The following C4BPB variants were observed in gnomAD, a reference collection of about 807,000 sequenced individuals.
C4BPB encodes the protein complement component 4 binding protein beta.
A neutral mutation model predicts 26.6 loss-of-function variants in C4BPB; 19 were observed. The observed-to-expected ratio is 0.71, with a 90% CI of 0.50 to 1.05. The LOEUF (loss-of-function observed/expected upper bound fraction) is 1.05. C4BPB is among the 50% of genes least tolerant of loss of function. The pLI is 0.00. For synonymous variants in C4BPB, 118 were observed against 103.5 expected (o/e 1.14, Z -0.85); for missense variants, 282 against 302.9 (o/e 0.93, Z 0.51).
At chr1:207,095,291 T>C (rs1558078123) in intron 4 of C4BPB, 1 of 456,686 alleles carries the variant, frequency 2.2e-6, no homozygotes, top group East Asian at 6.9e-5. Context: ...CTTTCCACAG[T>C]TCCACAGACT....
At position 207,095,012 on chromosome 1, in the gene C4BPB, T is replaced by G. The variant is rs372358262; in HGVS notation, c.410-1510T>G. The G allele has an allele frequency of 1.0e-4, 26 of 257,154 alleles. No homozygotes were observed. In the East Asian group the frequency reaches 1.8e-3, roughly 18 times the overall value. 15.9% of individuals were successfully genotyped at this position (257,154 alleles called of 1,614,324 possible). ...ATATTATACATGCTCTTTCATCATC[T>G]GCTGTTTTTACTCAACCATTTGTTT... On this transcript the variant is annotated intron_variant, in intron 4 of 6. Transcript: ENST00000367078.
At chr1:207,098,835 A>G (rs1420138921) in intron 6 of C4BPB, among the ~76,000 whole-genome samples, 1 of 152,176 alleles carries the variant, frequency 6.6e-6, no homozygotes. Flanking sequence ...GTGTTGGGAA[A>G]CAGTGACAGA....
intron 5 of C4BPB, among the ~76,000 whole-genome samples, chr1:207,096,984 C>G (rs1172879762): frequency 2.6e-5 from 4 of 152,104 alleles, no homozygotes; most frequent in Non-Finnish European, 5.9e-5. Flanking sequence ...CCAGCCTGGC[C>G]AACATGGCAA....
Position 207,099,952 on chromosome 1 carries a change from T to C in C4BPB, c.*23T>C, listed in dbSNP as rs748127383. 11 of 1,590,826 alleles carry C rather than the reference T, an allele frequency of 6.9e-6. No homozygotes were observed. The highest frequency in any genetic ancestry group is 4.6e-5 in the South Asian group (4 of 86,970). ...TAACACTACAGCTGAGCAGATGTAA[T>C]AGAAATAAACCTATGAATAAATTTT... On this transcript the variant is annotated 3_prime_UTR_variant, in exon 7 of 7. Coordinates refer to ENST00000367078, the MANE Select transcript of C4BPB (RefSeq NM_001017365.3).
In C4BPB at chr1:207,090,398, T is replaced by G. The variant is rs899412895; in HGVS notation, c.149T>G (p.Ile50Ser). The G allele has an allele frequency of 6.2e-7, 1 of 1,613,938 alleles. No individual in the cohort carries two copies. The highest frequency in any genetic ancestry group is 1.3e-5 in the African/African-American group (1 of 74,902). Residue 50 changes from isoleucine (I) to serine (S), a missense_variant, in exon 3 of 7, where the codon ATC (isoleucine) becomes AGC (serine). By Grantham distance (142) the Ile-to-Ser change is moderately radical. Transcript: ENST00000367078. ...EGQILGTYVC[I>S]KGYHLVGKKT... ...CAGATTCTGGGGACTTACGTTTGTATCAAGGGCTACCACCTGGTAGGAAAG... is the reference window on the plus strand; with the variant it reads ...CAGATTCTGGGGACTTACGTTTGTAGCAAGGGCTACCACCTGGTAGGAAAG...
At chr1:207,098,044 G>A (rs1172857675) in intron 5 of C4BPB, 106 bp from the exon 6 acceptor site, 5 of 835,540 alleles carry the variant, frequency 6.0e-6, no homozygotes, top group African/African-American at 1.7e-5. Flanking sequence ...GCAGGGAGGT[G>A]GATTCCATCA....
chr1:207,094,568 G>A (rs1303372395), intron 4 of C4BPB, among the ~76,000 whole-genome samples: 1 of 151,960 alleles, frequency 6.6e-6, no homozygotes, highest in Admixed American at 6.6e-5. Context: ...TTAACCACAG[G>A]ATCCCTGTCT....
rs758536456 is a variant in C4BPB at position 207,089,594 on chromosome 1, G to A, written c.58+5G>A. ...GGCGAGTTTCTGCTTCAGATGGTAC[G>A]TATGCTTTCCTTCAACTCAGCTTAC... On this transcript the variant is annotated splice_donor_5th_base_variant and intron_variant, in intron 2 of 6. Transcript: ENST00000367078. 4.3e-6 allele frequency: 7 copies of A among 1,613,606 alleles called. No homozygotes were observed. The highest frequency in any genetic ancestry group is 5.9e-6 in the Non-Finnish European group (7 of 1,179,552).
chr1:207,089,443 C>T, intron 1 of C4BPB, 39 bp from the exon 2 acceptor site: 1 of 1,153,286 alleles, frequency 8.7e-7, no homozygotes, highest in East Asian at 2.4e-5. Context: ...TTAGGTTGGT[C>T]TTAAGCAGTG....
rs371530800 is a variant in C4BPB at position 207,093,904 on chromosome 1, C to A, written c.409+2084C>A. ...TAGAGATCAGTAAGGAAAAAAACAA[C>A]CCAATAGAAAATAAGCAGTTGGGTA... On this transcript the variant is annotated intron_variant, in intron 4 of 6. Transcript: ENST00000367078. Among the ~76,000 whole-genome samples the A allele has an allele frequency of 3.3e-5, 5 of 152,056 alleles. No individual in the cohort carries two copies. The East Asian group carries it at 7.7e-4, about 23-fold the overall frequency.
intron 4 of C4BPB, 178 bp from the exon 5 acceptor site, chr1:207,096,344 G>T: frequency 1.6e-6 from 1 of 606,494 alleles, no homozygotes; most frequent in Non-Finnish European, 2.9e-6. Flanking sequence ...AGAAGAGAAG[G>T]AAATGAATGA....
chr1:207,090,409 C>T lies in C4BPB; in HGVS notation c.160C>T (p.His54Tyr), dbSNP rs1490092078. Reference protein sequence around the residue: ...LGTYVCIKGYHLVGKKTLFCN... With the variant: ...LGTYVCIKGYYLVGKKTLFCN... ...GACTTACGTTTGTATCAAGGGCTAC[C>T]ACCTGGTAGGAAAGAAGACCCTTTT... Residue 54 changes from histidine to tyrosine, a missense_variant, in exon 3 of 7, where the codon CAC becomes TAC. Coordinates refer to ENST00000367078, the MANE Select transcript of C4BPB (RefSeq NM_001017365.3). The T allele has an allele frequency of 1.2e-6, 2 of 1,614,010 alleles. No individual in the cohort carries two copies. Among genetic ancestry groups the T allele is most frequent in the Non-Finnish European group, 8.5e-7 (1 of 1,179,930 alleles).
rs1324317093 is a variant in C4BPB at position 207,089,666 on chromosome 1, G to A, written c.58+77G>A. 1.2e-5 allele frequency: 15 copies of A among 1,218,480 alleles called. No homozygotes were observed. In the East Asian group the frequency reaches 3.3e-4, roughly 26 times the overall value. The allele number at this position is 1,218,480 out of a possible 1,614,324, so 75.5% of individuals were successfully genotyped here. On this transcript the variant is annotated intron_variant, in intron 2 of 6. Coordinates refer to ENST00000367078, the MANE Select transcript of C4BPB (RefSeq NM_001017365.3). ...GGTGTTTTGAGGAACTCTGTCTAGG[G>A]CTTTAAGGAAGTTTACATTTATAAT...
At chr1:207,095,113 T>G (rs1684188696) in intron 4 of C4BPB, 1 of 340,538 alleles carries the variant, frequency 2.9e-6, no homozygotes, top group Admixed American at 4.2e-5. Flanking sequence ...ACATGTTTAG[T>G]GTCCTGTGGT....
At position 207,089,493 on chromosome 1, in the gene C4BPB, G is replaced by A. The variant is rs772503090; in HGVS notation, c.-39G>A. 2.5e-6 allele frequency: 4 copies of A among 1,598,160 alleles called. No homozygotes were observed. In the Admixed American group the frequency reaches 6.7e-5, roughly 27 times the overall value. On this transcript the variant is annotated 5_prime_UTR_variant, in exon 2 of 7. Transcript: ENST00000367078. ...TTTTTTCAAACCAGGTGTCTGAGCT[G>A]GGTGAATTCCAGCCTGGGGAGAGGA... is the stretch of plus-strand genomic sequence containing the variant.
chr1:207,092,061 T>C lies in C4BPB; in HGVS notation c.409+241T>C, dbSNP rs56103820. Among the ~76,000 whole-genome samples, 852 of 152,314 alleles carry C rather than the reference T, an allele frequency of 5.6e-3. 5 individuals carry two copies. The highest frequency in any genetic ancestry group is 0.019 in the African/African-American group (810 of 41,550). ...TTTTCCTTCTCAGATAGGGGTCCTG[T>C]CCTACTAGGTGTAATGTAGGGTAGT... On this transcript the variant is annotated intron_variant, in intron 4 of 6. Coordinates refer to ENST00000367078, the MANE Select transcript of C4BPB (RefSeq NM_001017365.3).
intron 4 of C4BPB, chr1:207,095,115 TC>T (rs148037617): frequency 8.6e-5 from 30 of 349,462 alleles, no homozygotes; most frequent in Non-Finnish European, 1.3e-4. Context: ...ATGTTTAGTG[TC>T]CTGTGGTCTC....
rs530611747 is a variant in C4BPB at position 207,096,684 on chromosome 1, G to A, written c.503+69G>A. 1.3e-4 allele frequency: 112 copies of A among 843,080 alleles called. No individual in the cohort carries two copies. The African/African-American group carries it at 1.7e-3, about 13-fold the overall frequency. 52.2% of individuals were successfully genotyped at this position (843,080 alleles called of 1,614,324 possible). A position where few individuals can be genotyped will look rare whatever the true frequency, so the allele number is the denominator to read the frequency against. On this transcript the variant is annotated intron_variant, in intron 5 of 6. Transcript: ENST00000367078. The stretch of plus-strand genomic sequence containing the variant: ...CAGCATTGTTTTGGGGAATAACCCA[G>A]TCTGTGTCCACCTGGTCATCTGATT...
In C4BPB at chr1:207,099,978, C is replaced by G; in HGVS notation, c.*49C>G. The G allele has an allele frequency of 6.5e-7, 1 of 1,539,864 alleles. No homozygotes were observed. Among genetic ancestry groups the G allele is most frequent in the Non-Finnish European group, 8.8e-7 (1 of 1,138,060 alleles). On this transcript the variant is annotated 3_prime_UTR_variant, in exon 7 of 7. Transcript: ENST00000367078. ...AGAAATAAACCTATGAATAAATTTT[C>G]TTCTTGGTTCTGAAATTGGTTTCAG...
Sources: gnomAD v4.1 joint callset for allele counts (sites outside exome capture counted in the v4.1 genomes callset) on GRCh38, gnomAD v4.1.1 for gene constraint, MANE v1.5 for transcripts, NCBI Gene and HGNC (gene_info 2026-07-23, HGNC 2026-07-21) for gene names.